The following FBXW8 variants were observed in gnomAD, a reference collection of about 807,000 sequenced individuals.
FBXW8 encodes the protein F-box and WD repeat domain containing 8.
Under a neutral mutation model 65.3 loss-of-function variants are expected in FBXW8, and 57 were observed. That is an observed-to-expected ratio of 0.87 (90% CI 0.71 to 1.09). The LOEUF (loss-of-function observed/expected upper bound fraction) is 1.09. FBXW8 is among the 50% of genes least tolerant of loss of function. FBXW8 has a pLI of 0.00. For missense variants in FBXW8, 777 were observed against 814.8 expected (o/e 0.95, Z 0.57); for synonymous variants, 308 against 330.2 (o/e 0.93, Z 0.73).
At chr12:116,920,754 G>T (rs890955088) in intron 1 of FBXW8, among the ~76,000 whole-genome samples, 5 of 152,134 alleles carry the variant, frequency 3.3e-5, no homozygotes, top group African/African-American at 1.2e-4. Context: ...CATTTGTAAT[G>T]ATCTTAATCA....
intron 1 of FBXW8, among the ~76,000 whole-genome samples, chr12:116,915,433 A>T (rs1880325586): frequency 6.6e-6 from 1 of 152,144 alleles, no homozygotes; most frequent in Admixed American, 6.5e-5. Context: ...AAGGGCCTAA[A>T]TACACAGCTT....
intron 2 of FBXW8, among the ~76,000 whole-genome samples, chr12:116,938,223 C>T (rs1428416839): frequency 6.6e-6 from 1 of 152,072 alleles, no homozygotes; most frequent in African/African-American, 2.4e-5. Flanking sequence ...GAAAAGCACC[C>T]TCCTTTTATA....
chr12:116,947,355 A>G (rs1348221663), intron 3 of FBXW8, among the ~76,000 whole-genome samples: 1 of 152,174 alleles, frequency 6.6e-6, no homozygotes, highest in Non-Finnish European at 1.5e-5. Flanking sequence ...AGTGTTAACA[A>G]GGAGAATTCT....
At chr12:117,002,186 G>A (rs2135698799) in intron 7 of FBXW8, among the ~76,000 whole-genome samples, 1 of 152,360 alleles carries the variant, frequency 6.6e-6, no homozygotes, top group East Asian at 1.9e-4. Context: ...CCCGGGAAGA[G>A]TCCAGTCCTG....
intron 4 of FBXW8, 56 bp downstream of exon 4, chr12:116,949,762 C>T (rs1883158699): frequency 1.3e-6 from 2 of 1,501,706 alleles, no homozygotes; most frequent in African/African-American, 2.8e-5. Flanking sequence ...TCATTTTTCT[C>T]ATACCACCCT....
At chr12:116,924,615 A>G (rs546730221) in intron 1 of FBXW8, among the ~76,000 whole-genome samples, 1 of 152,270 alleles carries the variant, frequency 6.6e-6, no homozygotes, top group African/African-American at 2.4e-5. Context: ...CACTAGTAGC[A>G]AGTAGTGTTT....
Position 117,031,047 on chromosome 12 carries a change from T to C in FBXW8, c.*2875T>C, listed in dbSNP as rs1478197708. On this transcript the variant is annotated 3_prime_UTR_variant, in exon 11 of 11. Transcript: ENST00000652555. ...GCATGCTGCCAGGGGAGCTGGATGG[T>C]GAAACACCTGAAGATCTCATATCGC... 1.3e-5 allele frequency: 2 copies of C among 152,200 alleles called. No homozygotes were observed. Among genetic ancestry groups the C allele is most frequent in the African/African-American group, 4.8e-5 (2 of 41,438 alleles). The allele number at this position is 152,200 out of a possible 1,614,324, so 9.4% of individuals were successfully genotyped here.
chr12:117,008,251 G>C (rs967676975), intron 7 of FBXW8, among the ~76,000 whole-genome samples: 2 of 152,204 alleles, frequency 1.3e-5, no homozygotes, highest in African/African-American at 4.8e-5. Flanking sequence ...TTAAAAACAA[G>C]AGAACACTTG....
At position 116,928,113 on chromosome 12, in the gene FBXW8, G is replaced by A; in HGVS notation, c.409G>A (p.Gly137Arg). The stretch of plus-strand genomic sequence containing the variant: ...TCAGTATCTGGACAGGAAAGAACTA[G>A]GAAGATGTGCACAGGTAAGGTGTCA... ...IFQYLDRKEL[G>R]RCAQVSKTWK... The change falls in exon 2 of 11, where the codon GGA (glycine) becomes AGA (arginine). Residue 137 changes from glycine (G) to arginine (R), a missense_variant. Transcript: ENST00000652555. The A allele has an allele frequency of 3.1e-6, 5 of 1,607,912 alleles. No individual in the cohort carries two copies. Among genetic ancestry groups the A allele is most frequent in the Non-Finnish European group, 3.4e-6 (4 of 1,175,964 alleles).
At chr12:116,916,731 TAAA>T (rs1432272451) in intron 1 of FBXW8, among the ~76,000 whole-genome samples, 2 of 152,114 alleles carry the variant, frequency 1.3e-5, no homozygotes, top group Admixed American at 1.3e-4. Context: ...CTGTCTCACT[TAAA>T]AACACCATCC....
chr12:117,024,450 AC>A, intron 9 of FBXW8, 130 bp downstream of exon 9: 1 of 1,021,236 alleles, frequency 9.8e-7, no homozygotes. Context: ...CCTTACTGTG[AC>A]CCTAGGAGCC....
chr12:116,944,336 T>C (rs1286302027), intron 2 of FBXW8, among the ~76,000 whole-genome samples: 1 of 152,052 alleles, frequency 6.6e-6, no homozygotes, highest in Non-Finnish European at 1.5e-5. Flanking sequence ...GCAAACTAAC[T>C]CTCTGTCAGT....
chr12:117,022,728 C>G (rs1031867128), intron 8 of FBXW8, among the ~76,000 whole-genome samples: 2 of 152,156 alleles, frequency 1.3e-5, no homozygotes, highest in African/African-American at 2.4e-5. Flanking sequence ...CAGGTCTGAC[C>G]GAACACTGAG....
At position 117,028,842 on chromosome 12, in the gene FBXW8, A is replaced by C. The variant is rs1341112542; in HGVS notation, c.*670A>C. ...TTTTCTAAATATTCATTGACTAAAC[A>C]GCCATCAAGATGAAACAGGACAGGA... On this transcript the variant is annotated 3_prime_UTR_variant, in exon 11 of 11. Transcript: ENST00000652555. This position sits in a 1 kb window ranked among gnomAD's most constrained non-coding sequence, Gnocchi z 4.1. 1.3e-5 allele frequency: 2 copies of C among 152,586 alleles called. No individual in the cohort carries two copies. The highest frequency in any genetic ancestry group is 2.9e-5 in the Non-Finnish European group (2 of 68,322). The allele number at this position is 152,586 out of a possible 1,614,324, so 9.5% of individuals were successfully genotyped here.
intron 4 of FBXW8, among the ~76,000 whole-genome samples, chr12:116,964,325 G>GC (rs1240979822): frequency 2.6e-5 from 4 of 152,226 alleles, no homozygotes; most frequent in African/African-American, 9.6e-5. Context: ...GTGAGTGTGT[G>GC]CGTTTGTGGG....
chr12:117,006,006 T>G (rs1953666071), intron 7 of FBXW8, among the ~76,000 whole-genome samples: 1 of 152,168 alleles, frequency 6.6e-6, no homozygotes, highest in Non-Finnish European at 1.5e-5. Context: ...GGCCAACAAA[T>G]CATCTTCAAT....
At chr12:117,017,115 T>C (rs939270620) in intron 8 of FBXW8, among the ~76,000 whole-genome samples, 2 of 152,238 alleles carry the variant, frequency 1.3e-5, no homozygotes, top group African/African-American at 4.8e-5. Context: ...TCACTGTATA[T>C]GAAAGTAACA....
At position 116,964,697 on chromosome 12, in the gene FBXW8, A is replaced by C. The variant is rs1447570176; in HGVS notation, c.678A>C (p.Gly226=). The part of the protein sequence containing the change: ...VHSHDGVVIA[G]YTSGDVRVWD... ...AACCAAGTGTGTCGTTCTCTTCCAG[A>C]TATACATCAGGGGATGTGAGAGTGT... The change falls in exon 5 of 11, where the codon GGA becomes GGC. Residue 226 remains glycine, a splice_region_variant and synonymous_variant. Coordinates refer to ENST00000652555, the MANE Select transcript of FBXW8 (RefSeq NM_153348.3). 4 of 1,613,510 alleles carry C rather than the reference A, an allele frequency of 2.5e-6. No homozygotes were observed. The highest frequency in any genetic ancestry group is 3.4e-6 in the Non-Finnish European group (4 of 1,179,962).
intron 7 of FBXW8, 83 bp downstream of exon 7, chr12:116,988,952 C>A: frequency 7.5e-7 from 1 of 1,333,450 alleles, no homozygotes; most frequent in Non-Finnish European, 1.0e-6. Context: ...TAAAGCTCTT[C>A]AATATTTTTC....
Sources: gnomAD v4.1 joint callset for allele counts (sites outside exome capture counted in the v4.1 genomes callset) on GRCh38, gnomAD v4.1.1 for gene constraint, Gnocchi (gnomAD v3.1) non-coding constraint, MANE v1.5 for transcripts, NCBI Gene and HGNC (gene_info 2026-07-23, HGNC 2026-07-21) for gene names.